The following MALRD1 variants were observed in gnomAD, a reference collection of about 807,000 sequenced individuals.
MALRD1 encodes MAM and LDL receptor class A domain containing 1.
A neutral mutation model predicts 242.1 loss-of-function variants in MALRD1; 247 were observed. The observed-to-expected ratio is 1.02, with a 90% CI of 0.92 to 1.13. The LOEUF (loss-of-function observed/expected upper bound fraction) is 1.13, where lower values mean the gene tolerates loss of function less well. MALRD1 is among the 50% of genes most tolerant of loss of function. MALRD1 has a pLI of 0.00. For synonymous variants in MALRD1, 995 were observed against 866.6 expected (o/e 1.15, Z -2.60); for missense variants, 2,989 against 2,533.1 (o/e 1.18, Z -3.86).
intron 18 of MALRD1, among the ~76,000 whole-genome samples, chr10:19,252,825 T>A (rs1839354310): frequency 6.6e-6 from 1 of 152,072 alleles, no homozygotes; most frequent in Admixed American, 6.6e-5. Flanking sequence ...GTTAGAATCA[T>A]AAAATTTGTC....
chr10:19,148,344 G>C (rs1833800477), intron 11 of MALRD1, among the ~76,000 whole-genome samples: 1 of 151,960 alleles, frequency 6.6e-6, no homozygotes, highest in African/African-American at 2.4e-5. Flanking sequence ...CTAAATATTA[G>C]GGTGCTTCAG....
At chr10:19,068,837 GT>G (rs1760064608) in intron 2 of MALRD1, among the ~76,000 whole-genome samples, 1 of 152,002 alleles carries the variant, frequency 6.6e-6, no homozygotes, top group African/African-American at 2.4e-5. Flanking sequence ...TTTTCATTAT[GT>G]AACCAATGCC....
chr10:19,142,171 C>CAAAAAAAAAAAAAAAA (rs529000033), intron 10 of MALRD1, among the ~76,000 whole-genome samples: 3 of 26,276 alleles, frequency 1.1e-4, no homozygotes, highest in African/African-American at 5.1e-4. Flanking sequence ...GACTCTAACT[C>CAAAAAAAAAAAAAAAA]AAAAAAAAAA....
chr10:19,337,570 A>G (rs1588931954), intron 24 of MALRD1, among the ~76,000 whole-genome samples: 2 of 152,110 alleles, frequency 1.3e-5, no homozygotes, highest in South Asian at 4.1e-4. Flanking sequence ...TGTCTATTGA[A>G]GTATTTTGTC....
Position 19,209,344 on chromosome 10 carries a change from C to A in MALRD1, c.2655C>A (p.Thr885=), listed in dbSNP as rs1337418187. The change falls in exon 18 of 40, where the codon ACC becomes ACA. Residue 885 remains threonine (T), a synonymous_variant. Transcript: ENST00000454679. Reference sequence around the variant, plus strand: ...ATGCAAAAGATGACTTTGATTGGACCAGGAGCCAGGGTCCAACTCCAACAC... The same window carrying A: ...ATGCAAAAGATGACTTTGATTGGACAAGGAGCCAGGGTCCAACTCCAACAC... The part of the protein sequence containing the change: ...EQDAKDDFDW[T]RSQGPTPTLN... 1 of 1,550,632 alleles carries A rather than the reference C, an allele frequency of 6.4e-7. No individual in the cohort carries two copies. Among genetic ancestry groups the A allele is most frequent in the Admixed American group, 2.0e-5 (1 of 50,974 alleles).
intron 18 of MALRD1, among the ~76,000 whole-genome samples, chr10:19,246,126 A>G (rs549541267): frequency 2.0e-5 from 3 of 152,014 alleles, no homozygotes; most frequent in South Asian, 4.1e-4. Flanking sequence ...ACAACTGACT[A>G]TATTAGTTTG....
intron 24 of MALRD1, among the ~76,000 whole-genome samples, chr10:19,334,481 G>C (rs1027075494): frequency 6.6e-5 from 10 of 150,636 alleles, no homozygotes; most frequent in Non-Finnish European, 1.3e-4. Flanking sequence ...TGTTAACTTT[G>C]GTTCGATCAG....
At chr10:19,204,513 T>A (rs781064624) in intron 16 of MALRD1, 100 bp downstream of exon 16, 4 of 767,618 alleles carry the variant, frequency 5.2e-6, no homozygotes, top group Non-Finnish European at 8.2e-6. Context: ...TGTGGTTTAC[T>A]GCTGGTTTTA....
intron 26 of MALRD1, among the ~76,000 whole-genome samples, chr10:19,372,826 G>A (rs1041582126): frequency 2.0e-5 from 3 of 152,016 alleles, no homozygotes; most frequent in African/African-American, 7.2e-5. Context: ...TAAATTAAAG[G>A]TAAATTTAAC....
intron 11 of MALRD1, among the ~76,000 whole-genome samples, chr10:19,146,835 C>T (rs1343611216): frequency 1.3e-5 from 2 of 152,138 alleles, no homozygotes; most frequent in African/African-American, 4.8e-5. Context: ...ATATTTTTAA[C>T]CATCATTCCA....
intron 21 of MALRD1, among the ~76,000 whole-genome samples, chr10:19,304,524 A>G (rs1842087703): frequency 6.6e-6 from 1 of 151,744 alleles, no homozygotes; most frequent in Admixed American, 6.6e-5. Flanking sequence ...ATTGACATCA[A>G]TTTCAAAGGG....
At chr10:19,222,745 C>T (rs1394463950) in intron 18 of MALRD1, among the ~76,000 whole-genome samples, 6 of 152,200 alleles carry the variant, frequency 3.9e-5, no homozygotes, top group African/African-American at 1.4e-4. Context: ...TGTCTTTTCT[C>T]TGCAAGTTTT....
At chr10:19,733,322 CAGA>C (rs1444724043) in intron 39 of MALRD1, among the ~76,000 whole-genome samples, 1 of 152,142 alleles carries the variant, frequency 6.6e-6, no homozygotes, top group Non-Finnish European at 1.5e-5. Context: ...CCTCACCCTC[CAGA>C]AGGTTTTCAA....
chr10:19,127,881 G>T (rs531533333), intron 7 of MALRD1, among the ~76,000 whole-genome samples: 1 of 152,156 alleles, frequency 6.6e-6, no homozygotes, highest in African/African-American at 2.4e-5. Context: ...ATTAAAAAAA[G>T]GATTGAATTG....
chr10:19,399,026 T>G (rs969251187), intron 28 of MALRD1, among the ~76,000 whole-genome samples: 9 of 152,204 alleles, frequency 5.9e-5, no homozygotes, highest in African/African-American at 2.2e-4. Flanking sequence ...CTCAAGAGTG[T>G]CTCTTCAAAT....
intron 28 of MALRD1, 111 bp downstream of exon 28, chr10:19,389,720 G>A (rs1564297987): frequency 8.6e-7 from 1 of 1,166,496 alleles, no homozygotes; most frequent in Non-Finnish European, 1.2e-6. Flanking sequence ...GCTTACTGCA[G>A]CCTCCAACTC....
intron 21 of MALRD1, among the ~76,000 whole-genome samples, chr10:19,314,454 G>A (rs1012964090): frequency 6.6e-6 from 1 of 151,508 alleles, no homozygotes; most frequent in Non-Finnish European, 1.5e-5. Flanking sequence ...ACATAAAGGA[G>A]GCATAGAGAA....
intron 29 of MALRD1, among the ~76,000 whole-genome samples, chr10:19,452,873 G>A (rs551532433): frequency 3.3e-5 from 5 of 152,140 alleles, no homozygotes; most frequent in Non-Finnish European, 7.4e-5. Flanking sequence ...AACTATGTGG[G>A]CATGGCATCT....
intron 18 of MALRD1, among the ~76,000 whole-genome samples, chr10:19,231,316 G>T (rs769713984): frequency 4.6e-5 from 7 of 152,086 alleles, no homozygotes; most frequent in Non-Finnish European, 7.4e-5. Context: ...CACAGTTGTT[G>T]GTTCCTAGGA....
Sources: gnomAD v4.1 joint callset for allele counts (sites outside exome capture counted in the v4.1 genomes callset) on GRCh38, gnomAD v4.1.1 for gene constraint, MANE v1.5 for transcripts, NCBI Gene and HGNC (gene_info 2026-07-23, HGNC 2026-07-21) for gene names.